TRMT9B: variants seen among roughly 807,000 people sequenced by gnomAD.
TRMT9B encodes probable tRNA methyltransferase 9B.
In TRMT9B, 16 loss-of-function variants were observed where a neutral mutation model predicts 11.5. The observed-to-expected ratio is 1.39, with a 90% CI of 0.94 to 2.11. The LOEUF is 2.11. Among genes scored for constraint, TRMT9B ranks in the 30% most tolerant of loss-of-function variants. The probability of loss-of-function intolerance (pLI) is 0.00; values close to 1 mark genes in which losing one functional copy is unlikely to be tolerated. For missense variants in TRMT9B, 941 were observed against 553.8 expected (o/e 1.70, Z -7.02); for synonymous variants, 274 against 192.4 (o/e 1.42, Z -3.51).
At chr8:13,008,000 A>G (rs2954188) in intron 3 of TRMT9B, among the ~76,000 whole-genome samples, 38,504 of 152,128 alleles carry the variant, frequency 0.25, 5,580 homozygotes, top group East Asian at 0.6. Context: ...TACATTTCAT[A>G]TATGTATCAT....
At chr8:13,019,588 A>G (rs1813422715) in intron 4 of TRMT9B, among the ~76,000 whole-genome samples, 1 of 152,176 alleles carries the variant, frequency 6.6e-6, no homozygotes, top group Non-Finnish European at 1.5e-5. Context: ...GCCACTGCAC[A>G]CAGCACGGGA....
At chr8:12,996,324 C>T (rs1808331291) in intron 2 of TRMT9B, among the ~76,000 whole-genome samples, 1 of 152,138 alleles carries the variant, frequency 6.6e-6, no homozygotes, top group Admixed American at 6.5e-5. Context: ...TTACCTGGTG[C>T]CCTAACTGAA....
chr8:12,969,443 C>G (rs1404706788), intron 1 of TRMT9B, among the ~76,000 whole-genome samples: 1 of 152,108 alleles, frequency 6.6e-6, no homozygotes, highest in African/African-American at 2.4e-5. Context: ...CCCCACACCC[C>G]TGTACTAAAA....
rs900340180 is a variant in TRMT9B at position 13,028,789 on chromosome 8, C to G, written c.*6745C>G. Reference sequence around the variant, plus strand: ...AAAGACAAACTTTCACCATGTTGGCCAGGCTGGTCTTGAACTCCTGACCTC... The same window carrying G: ...AAAGACAAACTTTCACCATGTTGGCGAGGCTGGTCTTGAACTCCTGACCTC... On this transcript the variant is annotated 3_prime_UTR_variant, in exon 5 of 5. Coordinates refer to ENST00000524591, the MANE Select transcript of TRMT9B (RefSeq NM_020844.3). The G allele has an allele frequency of 3.0e-5, 5 of 165,928 alleles. No individual in the cohort carries two copies. Among genetic ancestry groups the G allele is most frequent in the African/African-American group, 1.2e-4 (5 of 41,314 alleles). The allele number at this position is 165,928 out of a possible 1,614,324, so 10.3% of individuals were successfully genotyped here.
chr8:12,968,136 C>T (rs892688689), intron 1 of TRMT9B, among the ~76,000 whole-genome samples: 3 of 152,196 alleles, frequency 2.0e-5, no homozygotes, highest in African/African-American at 7.2e-5. Context: ...CCACCCACCT[C>T]GATCTCTCTA....
chr8:13,003,637 C>T (rs1477334359), intron 2 of TRMT9B, among the ~76,000 whole-genome samples: 2 of 151,410 alleles, frequency 1.3e-5, no homozygotes, highest in African/African-American at 4.9e-5. Context: ...CGGAAAGAGC[C>T]TTATGTGCCC....
intron 1 of TRMT9B, among the ~76,000 whole-genome samples, chr8:12,965,340 C>T (rs1324237968): frequency 6.6e-6 from 1 of 152,170 alleles, no homozygotes; most frequent in Non-Finnish European, 1.5e-5. Context: ...GAGCTAGCAT[C>T]ACAGTGAACA....
intron 2 of TRMT9B, among the ~76,000 whole-genome samples, chr8:12,991,933 A>G (rs1585241153): frequency 6.6e-6 from 1 of 152,192 alleles, no homozygotes. Flanking sequence ...CTCTGTCTCA[A>G]AAACAACAAC....
At chr8:12,982,970 A>G (rs944428383) in intron 1 of TRMT9B, among the ~76,000 whole-genome samples, 3 of 152,212 alleles carry the variant, frequency 2.0e-5, no homozygotes, top group Non-Finnish European at 4.4e-5. Context: ...AAAGTGTAAT[A>G]AAATGGCATG....
intron 2 of TRMT9B, among the ~76,000 whole-genome samples, chr8:13,000,799 G>A (rs1454893872): frequency 6.6e-6 from 1 of 152,168 alleles, no homozygotes; most frequent in Non-Finnish European, 1.5e-5. Context: ...AATTAAAAAA[G>A]CAGTTTCCCT....
chr8:12,997,221 G>A (rs1035852940), intron 2 of TRMT9B, among the ~76,000 whole-genome samples: 1 of 152,000 alleles, frequency 6.6e-6, no homozygotes, highest in Admixed American at 6.6e-5. Context: ...TATGGTGGTG[G>A]ATCCCTCAGG....
At chr8:12,992,449 A>G (rs1193511509) in intron 2 of TRMT9B, among the ~76,000 whole-genome samples, 1 of 151,990 alleles carries the variant, frequency 6.6e-6, no homozygotes, top group Non-Finnish European at 1.5e-5. Flanking sequence ...GTTCACCATC[A>G]GAGGAAATGT....
intron 1 of TRMT9B, among the ~76,000 whole-genome samples, chr8:12,958,093 C>G (rs1258963553): frequency 1.3e-5 from 2 of 152,140 alleles, no homozygotes; most frequent in African/African-American, 4.8e-5. Flanking sequence ...GTTTTTTGTC[C>G]TTTTGTGATT....
In TRMT9B at chr8:12,967,652, T is replaced by C. The variant is rs2460353; in HGVS notation, c.-200+21686T>C. On this transcript the variant is annotated intron_variant, in intron 1 of 4. Coordinates refer to ENST00000524591, the MANE Select transcript of TRMT9B (RefSeq NM_020844.3). ...AACAATGGCAAAGCCTCCTGAGTTT[T>C]CAATTTTTCTTTTTAAGTGAGTAGT... Among the ~76,000 whole-genome samples, 1,133 of 152,292 alleles carry C rather than the reference T, an allele frequency of 7.4e-3. 16 individuals carry two copies. Among genetic ancestry groups the C allele is most frequent in the African/African-American group, 0.026 (1,087 of 41,550 alleles).
intron 2 of TRMT9B, among the ~76,000 whole-genome samples, chr8:12,997,994 A>G (rs1255427608): frequency 3.3e-5 from 5 of 152,164 alleles, no homozygotes; most frequent in African/African-American, 9.7e-5. Flanking sequence ...GTTCCCTGAT[A>G]CTAGTGAAGT....
intron 1 of TRMT9B, among the ~76,000 whole-genome samples, chr8:12,979,386 G>A (rs934549375): frequency 2.6e-5 from 4 of 152,154 alleles, no homozygotes; most frequent in Non-Finnish European, 5.9e-5. Flanking sequence ...AATCAAGCCT[G>A]TGTCGAGTTA....
intron 1 of TRMT9B, among the ~76,000 whole-genome samples, chr8:12,949,521 C>A (rs181751046): frequency 6.6e-6 from 1 of 152,160 alleles, no homozygotes; most frequent in African/African-American, 2.4e-5. Flanking sequence ...TACCCAAATT[C>A]TACTGGTGGT....
intron 1 of TRMT9B, among the ~76,000 whole-genome samples, chr8:12,988,300 C>T (rs980756724): frequency 9.9e-5 from 15 of 152,100 alleles, no homozygotes; most frequent in African/African-American, 3.1e-4. Flanking sequence ...ATTCTTCACA[C>T]CAGATAAGGG....
At position 12,950,396 on chromosome 8, in the gene TRMT9B, G is replaced by A. The variant is rs76672629; in HGVS notation, c.-200+4430G>A. Among the ~76,000 whole-genome samples the A allele has an allele frequency of 2.0e-3, 311 of 152,316 alleles. 14 individuals are homozygous for A. In the East Asian group the frequency reaches 0.031, roughly 15 times the overall value. ...CTAATGCACTGTTAGAAGAGGACAA[G>A]GAACATCACAGTATCCAATACGTCT... is the stretch of plus-strand genomic sequence containing the variant. On this transcript the variant is annotated intron_variant, in intron 1 of 4. Coordinates refer to ENST00000524591, the MANE Select transcript of TRMT9B (RefSeq NM_020844.3).
Sources: gnomAD v4.1 joint callset for allele counts (sites outside exome capture counted in the v4.1 genomes callset) on GRCh38, gnomAD v4.1.1 for gene constraint, MANE v1.5 for transcripts, NCBI Gene and HGNC (gene_info 2026-07-23, HGNC 2026-07-21) for gene names.